The following ARID3C variants were observed in gnomAD, a reference collection of about 807,000 sequenced individuals.
ARID3C encodes the protein AT-rich interaction domain 3C.
A neutral mutation model predicts 37.9 loss-of-function variants in ARID3C; 42 were observed. The observed-to-expected ratio is 1.11, with a 90% CI of 0.87 to 1.43. The LOEUF is 1.43. Among genes scored for constraint, ARID3C ranks in the 40% most tolerant of loss-of-function variants. The pLI is 0.00. For missense variants in ARID3C, 581 were observed against 548.8 expected (o/e 1.06, Z -0.59); for synonymous variants, 213 against 228.0 (o/e 0.93, Z 0.59).
upstream of ARID3C, among the ~76,000 whole-genome samples, chr9:34,628,301 G>A (rs1453789914): frequency 1.3e-5 from 2 of 152,192 alleles, no homozygotes; most frequent in Non-Finnish European, 2.9e-5. The surrounding 1 kb of genome is among the most constrained non-coding windows in gnomAD (Gnocchi z 5.2). Context: ...AGAGGGTGAC[G>A]GGGACCAAGA....
intron 4 of ARID3C, among the ~76,000 whole-genome samples, chr9:34,622,935 C>T (rs1820595819): frequency 6.6e-6 from 1 of 152,012 alleles, no homozygotes; most frequent in African/African-American, 2.4e-5. Context: ...ATCACGTGGT[C>T]AGGAGATCGA....
At chr9:34,627,964 C>T in exon 1 of ARID3C, 2 of 1,538,982 alleles carry the variant, frequency 1.3e-6, no homozygotes, top group South Asian at 2.4e-5. Flanking sequence ...GGGCCAATGG[C>T]CCCACCCCCT....
exon 2 of ARID3C, chr9:34,625,750 T>G (rs750584977): frequency 1.9e-6 from 3 of 1,613,908 alleles, no homozygotes; most frequent in Non-Finnish European, 2.5e-6. Flanking sequence ...ACCCCTCTTT[T>G]GCATGAAGCT....
chr9:34,631,275 C>T (rs758030025), upstream of ARID3C, among the ~76,000 whole-genome samples: 6 of 152,302 alleles, frequency 3.9e-5, no homozygotes, highest in Non-Finnish European at 8.8e-5. Flanking sequence ...AGTCACTCCC[C>T]CAGCTCCCAA....
chr9:34,627,778 C>A (rs377542351), exon 1 of ARID3C: 91 of 1,614,010 alleles, frequency 5.6e-5, no homozygotes, highest in Non-Finnish European at 5.1e-6. Flanking sequence ...GGCCCTGGGC[C>A]CCTGGACGGC....
At chr9:34,630,336 G>A (rs1211280393), upstream of ARID3C, among the ~76,000 whole-genome samples, 1 of 152,028 alleles carries the variant, frequency 6.6e-6, no homozygotes, top group Non-Finnish European at 1.5e-5. Context: ...GAACAGCCTG[G>A]ACCCCACTCC....
chr9:34,631,806 G>T (rs116058704), upstream of ARID3C, among the ~76,000 whole-genome samples: 238 of 152,362 alleles, frequency 1.6e-3, no homozygotes, highest in African/African-American at 5.5e-3. Context: ...GTAGTAAAAA[G>T]GTTGGCCAGG....
exon 7 of ARID3C, chr9:34,621,379 C>A: frequency 9.5e-7 from 1 of 1,052,298 alleles, no homozygotes; most frequent in Non-Finnish European, 1.3e-6. Flanking sequence ...CCAGAGTGGG[C>A]AGCCAGAAAG....
In ARID3C at chr9:34,622,234, A is replaced by G. The variant is rs1820579165; in HGVS notation, c.1048+113T>C. 7 of 1,561,480 alleles carry G rather than the reference A, an allele frequency of 4.5e-6. No homozygotes were observed. The East Asian group carries it at 1.6e-4, about 35-fold the overall frequency. The stretch of plus-strand genomic sequence containing the variant: ...ACTTCAGCCCCACACCTATACTCAC[A>G]CAGTTGTCTACAGAGGAATCTGTCT... On this transcript the variant is annotated intron_variant, in intron 5 of 6. Transcript: ENST00000378909.
At chr9:34,628,126 C>T (rs1820684700), upstream of ARID3C, 3 of 1,361,360 alleles carry the variant, frequency 2.2e-6, no homozygotes, top group Non-Finnish European at 2.9e-6. This position sits in a 1 kb window ranked among gnomAD's most constrained non-coding sequence, Gnocchi z 5.2. Flanking sequence ...CCCTACTGCC[C>T]CCAGAGCCCC....
At chr9:34,623,792 G>T (rs1820614801) in intron 3 of ARID3C, 72 bp downstream of exon 4, 2 of 1,502,812 alleles carry the variant, frequency 1.3e-6, no homozygotes, top group African/African-American at 1.4e-5. Context: ...ACGCCCGCCC[G>T]GGGACCCTCC....
chr9:34,629,520 C>T (rs1042702217), upstream of ARID3C, among the ~76,000 whole-genome samples: 5 of 152,192 alleles, frequency 3.3e-5, no homozygotes, highest in African/African-American at 1.2e-4. Flanking sequence ...ATAGAAGCTT[C>T]TCCCTTTGCC....
chr9:34,627,965 C>A lies in ARID3C; in HGVS notation c.50G>T (p.Gly17Val), dbSNP rs934803305. 25 of 1,538,960 alleles carry A rather than the reference C, an allele frequency of 1.6e-5. No homozygotes were observed. The highest frequency in any genetic ancestry group is 2.2e-5 in the Non-Finnish European group (25 of 1,140,552). ...CAGCGGGCATGCAGGGGCCAATGGCCCCACCCCCTGGGCCAGCCGAGCTGC... is the reference window on the plus strand; with the variant it reads ...CAGCGGGCATGCAGGGGCCAATGGCACCACCCCCTGGGCCAGCCGAGCTGC... The change falls in exon 1 of 7, where the codon GGG becomes GTG. Residue 17 changes from glycine (G) to valine (V), a missense_variant. By Grantham distance (109) the Gly-to-Val change is moderately radical (BLOSUM62 -3). Coordinates refer to ENST00000378909, the Ensembl canonical transcript of ARID3C.
At chr9:34,622,022 G>A (rs750535086) in exon 6 of ARID3C, 2 of 1,613,858 alleles carry the variant, frequency 1.2e-6, no homozygotes, top group African/African-American at 2.7e-5. Flanking sequence ...ACCCATACCA[G>A]TGTAGACCAC....
upstream of ARID3C, among the ~76,000 whole-genome samples, chr9:34,629,336 A>G (rs975919077): frequency 1.3e-5 from 2 of 152,182 alleles, no homozygotes; most frequent in Admixed American, 1.3e-4. Flanking sequence ...GCTTCCACAT[A>G]CAAATAGCCG....
intron 1 of ARID3C, among the ~76,000 whole-genome samples, chr9:34,627,045 C>G (rs774711962): frequency 2.7e-4 from 41 of 152,188 alleles, no homozygotes; most frequent in African/African-American, 4.1e-4. Context: ...TCTTGTCATT[C>G]TGAGTTGCGG....
chr9:34,631,709 A>G (rs1003002082), upstream of ARID3C, among the ~76,000 whole-genome samples: 3 of 152,236 alleles, frequency 2.0e-5, no homozygotes, highest in African/African-American at 4.8e-5. Context: ...AAATCACCCC[A>G]TAATTTAGCA....
chr9:34,623,522 AGGG>A, exon 4 of ARID3C: 1 of 1,562,396 alleles, frequency 6.4e-7, no homozygotes, highest in South Asian at 1.2e-5. Context: ...GGGTCGCCGG[AGGG>A]GCGGGGCCGG....
chr9:34,622,217 C>T, intron 5 of ARID3C, 108 bp from the exon 7 acceptor site: 2 of 1,574,410 alleles, frequency 1.3e-6, no homozygotes, highest in Non-Finnish European at 1.7e-6. Context: ...CCACTTCAGC[C>T]CCACACCTAT....
Sources: gnomAD v4.1 joint callset for allele counts (sites outside exome capture counted in the v4.1 genomes callset) on GRCh38, gnomAD v4.1.1 for gene constraint, Gnocchi (gnomAD v3.1) non-coding constraint, MANE v1.5 for transcripts, NCBI Gene and HGNC (gene_info 2026-07-23, HGNC 2026-07-21) for gene names.